The following ADAMTS2 variants were observed in gnomAD, a reference collection of about 807,000 sequenced individuals.
ADAMTS2 encodes the protein A disintegrin and metalloproteinase with thrombospondin motifs 2.
Under a neutral mutation model 123.0 loss-of-function variants are expected in ADAMTS2, and 50 were observed. The observed-to-expected ratio is 0.41, with a 90% confidence interval of 0.32 to 0.51. ADAMTS2 has a LOEUF of 0.51. Ranked by LOEUF, ADAMTS2 falls within the 20% of genes least tolerant of loss-of-function variation. ADAMTS2 has a pLI of 0.35. For synonymous variants in ADAMTS2, 678 were observed against 695.4 expected (o/e 0.98, Z 0.39); for missense variants, 1,494 against 1,705.2 (o/e 0.88, Z 2.18).
intron 2 of ADAMTS2, among the ~76,000 whole-genome samples, chr5:179,302,337 C>T (rs1472437647): frequency 7.1e-6 from 1 of 141,394 alleles, no homozygotes; most frequent in Non-Finnish European, 1.5e-5. Flanking sequence ...GTGGGGGGCG[C>T]CTGTAGTCCC....
intron 5 of ADAMTS2, among the ~76,000 whole-genome samples, chr5:179,169,314 C>T (rs933941607): frequency 6.6e-5 from 10 of 152,232 alleles, no homozygotes; most frequent in Admixed American, 1.3e-4. Context: ...GTTCTGCTGG[C>T]GTCCTGCTCT....
rs535889469 is a variant in ADAMTS2 at position 179,337,326 on chromosome 5, T to G, written c.534+6441A>C. On this transcript the variant is annotated intron_variant, in intron 2 of 21. Coordinates refer to ENST00000251582, the MANE Select transcript of ADAMTS2 (RefSeq NM_014244.5). ...CCCTCCCGAGAAATACATAAACACA[T>G]GCTGGCCCATGCTCACTCAAATGCA... is the stretch of plus-strand genomic sequence containing the variant. Among the ~76,000 whole-genome samples, 196 of 152,092 alleles carry G rather than the reference T, an allele frequency of 1.3e-3. 1 individual carries two copies. Among genetic ancestry groups the G allele is most frequent in the Non-Finnish European group, 1.3e-3 (89 of 67,968 alleles).
At chr5:179,219,985 C>T (rs1765091857) in intron 3 of ADAMTS2, among the ~76,000 whole-genome samples, 1 of 152,220 alleles carries the variant, frequency 6.6e-6, no homozygotes, top group Non-Finnish European at 1.5e-5. Context: ...AGCCAGCAAG[C>T]CCTGCCCCTG....
chr5:179,311,982 G>A (rs970954608), intron 2 of ADAMTS2, among the ~76,000 whole-genome samples: 3 of 152,212 alleles, frequency 2.0e-5, no homozygotes, highest in African/African-American at 7.2e-5. Flanking sequence ...CAGCAGTGGG[G>A]AGGAGGGAGA....
chr5:179,279,479 G>T (rs1038279767), intron 2 of ADAMTS2, among the ~76,000 whole-genome samples: 3 of 152,216 alleles, frequency 2.0e-5, no homozygotes, highest in Non-Finnish European at 4.4e-5. Flanking sequence ...GCTGGACAAC[G>T]GGGCAATGGC....
At chr5:179,342,287 G>A (rs564759482) in intron 2 of ADAMTS2, among the ~76,000 whole-genome samples, 8 of 152,252 alleles carry the variant, frequency 5.3e-5, no homozygotes, top group African/African-American at 1.7e-4. Flanking sequence ...CCCTAAGTCC[G>A]CAGCAAACAT....
chr5:179,179,027 C>T (rs980374170), intron 5 of ADAMTS2, among the ~76,000 whole-genome samples: 12 of 152,310 alleles, frequency 7.9e-5, no homozygotes, highest in African/African-American at 2.9e-4. Context: ...TCACTGCAAC[C>T]TCTGCCTCCC....
chr5:179,155,237 G>A lies in ADAMTS2; in HGVS notation c.1133-318C>T, dbSNP rs1763445661. ...GGCTTGTCTGACACCTGACTTTCCT[G>A]CCTGCCGTTCTCTTTCACGCCACCT... On this transcript the variant is annotated intron_variant, in intron 6 of 21. Transcript: ENST00000251582. This position sits in a 1 kb window ranked among gnomAD's most constrained non-coding sequence, Gnocchi z 5.1. 6.6e-6 allele frequency among the ~76,000 whole-genome samples: 1 copy of A among 152,134 alleles called. No individual in the cohort carries two copies. Among genetic ancestry groups the A allele is most frequent in the South Asian group, 2.1e-4 (1 of 4,826 alleles).
rs1024336841 is a variant in ADAMTS2 at position 179,225,883 on chromosome 5, C to T, written c.689-18168G>A. Among the ~76,000 whole-genome samples the T allele has an allele frequency of 1.3e-4, 20 of 152,196 alleles. No individual in the cohort carries two copies. Among genetic ancestry groups the T allele is most frequent in the Admixed American group, 3.3e-4 (5 of 15,288 alleles). On this transcript the variant is annotated intron_variant, in intron 3 of 21. Transcript: ENST00000251582. The surrounding 1 kb of genome is among the most constrained non-coding windows in gnomAD (Gnocchi z 4.5). Reference sequence around the variant, plus strand: ...AGATACAGAAAGCCCTCTGTCCTTGCGACAAGGTAGAGGGTCTAACTGAGC... The same window carrying T: ...AGATACAGAAAGCCCTCTGTCCTTGTGACAAGGTAGAGGGTCTAACTGAGC...
intron 3 of ADAMTS2, among the ~76,000 whole-genome samples, chr5:179,238,820 A>T (rs1765594334): frequency 6.6e-6 from 1 of 152,128 alleles, no homozygotes; most frequent in African/African-American, 2.4e-5. Context: ...GATTTCCAGC[A>T]GAAGACAGAC....
In ADAMTS2 at chr5:179,285,183, G is replaced by A. The variant is rs559587188; in HGVS notation, c.535-12119C>T. Among the ~76,000 whole-genome samples the A allele has an allele frequency of 1.3e-5, 2 of 152,300 alleles. No homozygotes were observed. The highest frequency in any genetic ancestry group is 1.3e-4 in the Admixed American group (2 of 15,298). On this transcript the variant is annotated intron_variant, in intron 2 of 21. Transcript: ENST00000251582. The surrounding 1 kb of genome is among the most constrained non-coding windows in gnomAD (Gnocchi z 4.9). ...ACAAAGGGTCAGCAGTGTTACGATCGGGGGTGAGTTTCACTTTTTATTAAT... is the reference window on the plus strand; with the variant it reads ...ACAAAGGGTCAGCAGTGTTACGATCAGGGGTGAGTTTCACTTTTTATTAAT...
At chr5:179,145,727 T>C (rs1283662223) in intron 10 of ADAMTS2, among the ~76,000 whole-genome samples, 2 of 152,184 alleles carry the variant, frequency 1.3e-5, no homozygotes, top group African/African-American at 4.8e-5. Context: ...GTAGGATGGA[T>C]TGAGGTGACT....
chr5:179,216,521 C>G (rs564753609), intron 3 of ADAMTS2, among the ~76,000 whole-genome samples: 1 of 152,048 alleles, frequency 6.6e-6, no homozygotes, highest in Non-Finnish European at 1.5e-5. Flanking sequence ...AGGTCCAGCG[C>G]GTGGTCCCCA....
At chr5:179,125,301 C>CGGGGAGGGGTG in intron 18 of ADAMTS2, 121 bp from the exon 19 acceptor site, 1 of 832,080 alleles carries the variant, frequency 1.2e-6, no homozygotes, top group Non-Finnish European at 2.0e-6. Flanking sequence ...CAGCCTGCAC[C>CGGGGAGGGGTG]CCTCCCCGGT....
At chr5:179,160,279 T>C (rs1039055238) in intron 5 of ADAMTS2, among the ~76,000 whole-genome samples, 1 of 152,130 alleles carries the variant, frequency 6.6e-6, no homozygotes, top group African/African-American at 2.4e-5. Context: ...GCCAACATGG[T>C]GAAACCCTGT....
chr5:179,129,176 A>C lies in ADAMTS2; in HGVS notation c.2457+756T>G, dbSNP rs1762915898. Among the ~76,000 whole-genome samples, 1 of 152,136 alleles carries C rather than the reference A, an allele frequency of 6.6e-6. No homozygotes were observed. The highest frequency in any genetic ancestry group is 2.1e-4 in the South Asian group (1 of 4,822). Reference sequence around the variant, plus strand: ...ACACACTGATGCAGGCAGGTCACCAAAGGCACGTCCAGGGGGCCAGAAGTC... The same window carrying C: ...ACACACTGATGCAGGCAGGTCACCACAGGCACGTCCAGGGGGCCAGAAGTC... On this transcript the variant is annotated intron_variant, in intron 16 of 21. Coordinates refer to ENST00000251582, the MANE Select transcript of ADAMTS2 (RefSeq NM_014244.5). The surrounding 1 kb of genome is among the most constrained non-coding windows in gnomAD (Gnocchi z 4.1).
chr5:179,138,844 C>T (rs1003819615), intron 11 of ADAMTS2, among the ~76,000 whole-genome samples: 1 of 152,200 alleles, frequency 6.6e-6, no homozygotes, highest in African/African-American at 2.4e-5. Context: ...GGAGAGCAGC[C>T]CGAGTGAACA....
At chr5:179,169,138 AG>A (rs1763767299) in intron 5 of ADAMTS2, among the ~76,000 whole-genome samples, 1 of 152,242 alleles carries the variant, frequency 6.6e-6, no homozygotes. Flanking sequence ...TTATGGTATT[AG>A]GAAGTGTGGT....
In ADAMTS2 at chr5:179,117,999, C is replaced by A. The variant is rs114538116; in HGVS notation, c.3178+3662G>T. On this transcript the variant is annotated intron_variant, in intron 21 of 21. Transcript: ENST00000251582. This position sits in a 1 kb window ranked among gnomAD's most constrained non-coding sequence, Gnocchi z 4.2. ...TGCACGCCTAGGTCAGAGCCATGCA[C>A]GAGAAAGTGCTCCATAAATGCCCAT... Among the ~76,000 whole-genome samples the A allele has an allele frequency of 8.3e-3, 1,264 of 152,266 alleles. 14 individuals are homozygous for A. Among genetic ancestry groups the A allele is most frequent in the African/African-American group, 0.029 (1,205 of 41,560 alleles).
Sources: allele counts gnomAD v4.1 joint callset (sites outside exome capture counted in the v4.1 genomes callset), GRCh38; gene constraint gnomAD v4.1.1; non-coding constraint Gnocchi (gnomAD v3.1); transcripts MANE v1.5; gene names NCBI Gene and HGNC (gene_info 2026-07-23, HGNC 2026-07-21).